The following UNC80 variants were observed in gnomAD, a reference collection of about 807,000 sequenced individuals.
UNC80 encodes the protein unc-80 subunit of NALCN channel complex.
In UNC80, 164 loss-of-function variants were observed where a neutral mutation model predicts 384.6. That is an observed-to-expected ratio of 0.43 (90% CI 0.38 to 0.49). UNC80 has a LOEUF of 0.49. Ranked by LOEUF, UNC80 falls within the 20% of genes least tolerant of loss-of-function variation. UNC80 has a pLI of 0.00. For synonymous variants in UNC80, 1,486 were observed against 1,527.8 expected (o/e 0.97, Z 0.64); for missense variants, 3,330 against 4,143.0 (o/e 0.80, Z 5.39).
chr2:209,845,343 G>A (rs2082098605), intron 21 of UNC80: 1 of 152,110 alleles, frequency 6.6e-6, no homozygotes, highest in Admixed American at 6.6e-5. Context: ...TCTCCTTGGT[G>A]GAAAAGATAA....
intron 22 of UNC80, 57 bp downstream of exon 22, chr2:209,849,680 CAG>C: frequency 6.7e-7 from 1 of 1,494,120 alleles, no homozygotes. Flanking sequence ...GCACTATTAA[CAG>C]AGGTAAGCAT....
At chr2:209,943,308 T>C in intron 44 of UNC80, 72 bp from the exon 45 acceptor site, 1 of 1,521,524 alleles carries the variant, frequency 6.6e-7, no homozygotes, top group Non-Finnish European at 8.9e-7. Context: ...CCCATGACCA[T>C]GAGTTTTAAA....
intron 47 of UNC80, among the ~76,000 whole-genome samples, chr2:209,948,459 A>G (rs2092009773): frequency 6.6e-6 from 1 of 152,196 alleles, no homozygotes; most frequent in Non-Finnish European, 1.5e-5. Flanking sequence ...AATGTTTATC[A>G]AAATTTGGAC....
At chr2:209,867,832 C>T (rs2083964902) in intron 22 of UNC80, among the ~76,000 whole-genome samples, 1 of 152,290 alleles carries the variant, frequency 6.6e-6, no homozygotes, top group Non-Finnish European at 1.5e-5. Context: ...ACTTTAGAAA[C>T]AAAAGCAAAA....
At chr2:209,838,169 T>G (rs1318005851) in intron 18 of UNC80, among the ~76,000 whole-genome samples, 1 of 152,060 alleles carries the variant, frequency 6.6e-6, no homozygotes, top group African/African-American at 2.4e-5. Flanking sequence ...GCTTTGGATA[T>G]CGTATTGCCA....
At chr2:209,794,356 T>A (rs1350207704) in intron 7 of UNC80, among the ~76,000 whole-genome samples, 1 of 152,162 alleles carries the variant, frequency 6.6e-6, no homozygotes, top group Non-Finnish European at 1.5e-5. Context: ...ATAGTCTATT[T>A]CTTCTTATTA....
chr2:209,815,741 A>G (rs1471186552), intron 9 of UNC80, among the ~76,000 whole-genome samples: 2 of 152,238 alleles, frequency 1.3e-5, no homozygotes, highest in African/African-American at 4.8e-5. Flanking sequence ...AGTACTTTAT[A>G]TAAATAGTTC....
In UNC80 at chr2:209,835,018, G is replaced by A. The variant is rs2081245995; in HGVS notation, c.3041+8G>A. 1 of 1,548,598 alleles carries A rather than the reference G, an allele frequency of 6.5e-7. No homozygotes were observed. The highest frequency in any genetic ancestry group is 8.7e-7 in the Non-Finnish European group (1 of 1,145,012). ...CTCACAGACTCCAGAGCAGTAAGTA[G>A]CGTTGGTTTTGTCTCCAGTGCAGAC... On this transcript the variant is annotated splice_region_variant and intron_variant, in intron 18 of 64. Transcript: ENST00000673920.
At chr2:209,882,004 T>C (rs924750028) in intron 25 of UNC80, among the ~76,000 whole-genome samples, 8 of 150,616 alleles carry the variant, frequency 5.3e-5, no homozygotes, top group Admixed American at 2.0e-4. Context: ...TCTTGCTCTG[T>C]TGCCCAGGCT....
In UNC80 at chr2:209,917,928, G is replaced by C; in HGVS notation, c.5181G>C (p.Arg1727=). 1 of 1,551,680 alleles carries C rather than the reference G, an allele frequency of 6.4e-7. No homozygotes were observed. The highest frequency in any genetic ancestry group is 8.7e-7 in the Non-Finnish European group (1 of 1,146,960). Residue 1727 remains arginine (R), a synonymous_variant, in exon 32 of 65, where the codon CGG becomes CGC. Transcript: ENST00000673920. The stretch of plus-strand genomic sequence containing the variant: ...GGTTTCGCTATCAGGTCTGGCCCCG[G>C]ATGGAGGAAGGGGCACAGCAGATTT... The part of the protein sequence containing the change: ...LWRFRYQVWP[R]MEEGAQQIFK...
In UNC80 at chr2:209,954,197, G is replaced by A. The variant is rs1188745560; in HGVS notation, c.7384G>A (p.Glu2462Lys). 6.4e-7 allele frequency: 1 copy of A among 1,551,080 alleles called. No individual in the cohort carries two copies. Among genetic ancestry groups the A allele is most frequent in the Admixed American group, 2.0e-5 (1 of 50,990 alleles). ...SQVETVPAAR[E>K]EIAATAALAT... is the part of the protein sequence containing the mutation. ...GGTGGAGACAGTACCTGCTGCCCGA[G>A]AGGAGATTGCGGCCACTGCTGCTCT... The change falls in exon 48 of 65, where the codon GAG (glutamate) becomes AAG (lysine). Residue 2462 changes from glutamate to lysine, a missense_variant. Physicochemically the swap from Glu to Lys is moderately conservative, Grantham distance 56. Transcript: ENST00000673920.
intron 29 of UNC80, among the ~76,000 whole-genome samples, chr2:209,907,204 C>A (rs942711336): frequency 6.6e-6 from 1 of 151,430 alleles, no homozygotes; most frequent in Non-Finnish European, 1.5e-5. Flanking sequence ...ATCCATCCAG[C>A]CAGCCAGCCG....
At position 209,872,997 on chromosome 2, in the gene UNC80, A is replaced by C. The variant is rs1454843485; in HGVS notation, c.3840+27A>C. On this transcript the variant is annotated intron_variant, in intron 23 of 64. Transcript: ENST00000673920. This position sits in a 1 kb window ranked among gnomAD's most constrained non-coding sequence, Gnocchi z 4.1. ...TGAGCTTTCGGTTTTCTTCTATAAC[A>C]ATTAGGTTGCTTAAGTGAAGTGGAG... The C allele has an allele frequency of 6.5e-6, 10 of 1,544,328 alleles. No individual in the cohort carries two copies. The highest frequency in any genetic ancestry group is 8.8e-6 in the Non-Finnish European group (10 of 1,140,746).
intron 47 of UNC80, among the ~76,000 whole-genome samples, chr2:209,953,680 C>T (rs956631881): frequency 5.3e-5 from 8 of 152,074 alleles, no homozygotes; most frequent in African/African-American, 1.9e-4. Flanking sequence ...TTCAGGAAGC[C>T]AGCCTCCCAT....
At chr2:209,797,328 C>T (rs918034617) in intron 7 of UNC80, among the ~76,000 whole-genome samples, 1 of 152,136 alleles carries the variant, frequency 6.6e-6, no homozygotes, top group Admixed American at 6.6e-5. Flanking sequence ...TCACCTCACC[C>T]CCAACCCCAC....
At chr2:209,858,532 A>T (rs1441514325) in intron 22 of UNC80, among the ~76,000 whole-genome samples, 4 of 152,018 alleles carry the variant, frequency 2.6e-5, no homozygotes, top group Non-Finnish European at 5.9e-5. Flanking sequence ...ACATAGCGAA[A>T]CCCTGTCTCT....
intron 22 of UNC80, among the ~76,000 whole-genome samples, chr2:209,859,243 G>C (rs1390538988): frequency 6.6e-6 from 1 of 152,020 alleles, no homozygotes; most frequent in Non-Finnish European, 1.5e-5. Context: ...GTGCCCATGT[G>C]TCCTCATTGT....
chr2:209,901,760 A>T (rs553062515), intron 28 of UNC80, among the ~76,000 whole-genome samples: 3 of 152,070 alleles, frequency 2.0e-5, no homozygotes, highest in Non-Finnish European at 4.4e-5. Context: ...CCCCGTCTCT[A>T]CTAAAAATAC....
At chr2:209,831,352 A>G in intron 15 of UNC80, 91 bp from the exon 16 acceptor site, 1 of 1,334,488 alleles carries the variant, frequency 7.5e-7, no homozygotes, top group Non-Finnish European at 1.0e-6. Context: ...ATAGCACTTC[A>G]CTAATTCCTG....
Sources: gnomAD v4.1 joint callset for allele counts (sites outside exome capture counted in the v4.1 genomes callset) on GRCh38, gnomAD v4.1.1 for gene constraint, Gnocchi (gnomAD v3.1) non-coding constraint, MANE v1.5 for transcripts, NCBI Gene and HGNC (gene_info 2026-07-23, HGNC 2026-07-21) for gene names.